FOXK1: variants seen among roughly 807,000 people sequenced by gnomAD.
FOXK1 encodes the protein forkhead box K1.
Under a neutral mutation model 51.9 loss-of-function variants are expected in FOXK1, and 19 were observed. The observed-to-expected ratio is 0.37, with a 90% CI of 0.26 to 0.54. The LOEUF (loss-of-function observed/expected upper bound fraction) is 0.54, where lower values mean the gene tolerates loss of function less well. Ranked by LOEUF, FOXK1 falls within the 20% of genes least tolerant of loss-of-function variation. The pLI, the probability that FOXK1 is intolerant of heterozygous loss-of-function variation, is 0.87. For missense variants in FOXK1, 870 were observed against 1,032.7 expected, an observed-to-expected ratio of 0.84 and a Z score of 2.16; for synonymous variants, 537 against 482.6, an observed-to-expected ratio of 1.11 and a Z score of -1.48.
chr7:4,710,633 T>C (rs1316728153), intron 1 of FOXK1, among the ~76,000 whole-genome samples: 1 of 152,092 alleles, frequency 6.6e-6, no homozygotes, highest in Non-Finnish European at 1.5e-5. Context: ...TTTGGAGAAA[T>C]GGGTGCAGCC....
chr7:4,706,023 C>CATATAT (rs1780094894), intron 1 of FOXK1, among the ~76,000 whole-genome samples: 3 of 92,958 alleles, frequency 3.2e-5, no homozygotes, highest in African/African-American at 3.0e-4. Context: ...CGTATATATA[C>CATATAT]GTGTATATAC....
chr7:4,761,771 C>T lies in FOXK1; in HGVS notation c.1922-413C>T, dbSNP rs999604700. On this transcript the variant is annotated intron_variant, in intron 8 of 8. Transcript: ENST00000328914. The surrounding 1 kb of genome is among the most constrained non-coding windows in gnomAD (Gnocchi z 6.2). ...ATCTGCCCACTCTCTGGAGCTCACA[C>T]TCCATGGGGTGAGGCAAGAGGTCAA... Among the ~76,000 whole-genome samples the T allele has an allele frequency of 6.6e-6, 1 of 152,132 alleles. No homozygotes were observed. The highest frequency in any genetic ancestry group is 6.5e-5 in the Admixed American group (1 of 15,270).
chr7:4,720,973 C>T (rs1412210839), intron 1 of FOXK1, among the ~76,000 whole-genome samples: 3 of 152,016 alleles, frequency 2.0e-5, no homozygotes, highest in Non-Finnish European at 2.9e-5. Context: ...GAACTCCTGA[C>T]CTTATGTGAT....
At chr7:4,720,779 C>T (rs1005106894) in intron 1 of FOXK1, among the ~76,000 whole-genome samples, 8 of 151,022 alleles carry the variant, frequency 5.3e-5, no homozygotes, top group Non-Finnish European at 7.4e-5. Flanking sequence ...GGTGCAGTGG[C>T]GCGATCTTGG....
rs1779758324 is a variant in FOXK1 at position 4,682,410 on chromosome 7, C to T, written c.102C>T (p.Phe34=). 5.1e-6 allele frequency: 5 copies of T among 981,222 alleles called. No homozygotes were observed. The highest frequency in any genetic ancestry group is 4.8e-6 in the Non-Finnish European group (4 of 828,614). The allele number at this position is 981,222 out of a possible 1,614,324, so 60.8% of individuals were successfully genotyped here. A position where few individuals can be genotyped will look rare whatever the true frequency, so the allele number is the denominator to read the frequency against. ...GCGCCGCAGCCGCCGCCGCCGCCTT[C>T]CCCGCGGCCGCACCCCCGCCGGCCC... ...VLCAAAAAAA[F]PAAAPPPAPA... The change falls in exon 1 of 9, where the codon TTC becomes TTT. Residue 34 remains phenylalanine, a synonymous_variant. Transcript: ENST00000328914. This position sits in a 1 kb window ranked among gnomAD's most constrained non-coding sequence, Gnocchi z 7.6.
Position 4,756,908 on chromosome 7 carries a change from G to C in FOXK1, c.1051-86G>C, listed in dbSNP as rs1780860461. 2.1e-6 allele frequency: 3 copies of C among 1,450,348 alleles called. No individual in the cohort carries two copies. The highest frequency in any genetic ancestry group is 2.8e-5 in the African/African-American group (2 of 71,830). The allele number at this position is 1,450,348 out of a possible 1,614,324, so 89.8% of individuals were successfully genotyped here. On this transcript the variant is annotated intron_variant, in intron 4 of 8. Coordinates refer to ENST00000328914, the MANE Select transcript of FOXK1 (RefSeq NM_001037165.2). The surrounding 1 kb of genome is among the most constrained non-coding windows in gnomAD (Gnocchi z 4.1). ...CAGAGGGACGGCCTCCCCTCACCCTGGTCCCGCATCTGCTGCAGATTTGAG... is the reference window on the plus strand; with the variant it reads ...CAGAGGGACGGCCTCCCCTCACCCTCGTCCCGCATCTGCTGCAGATTTGAG...
chr7:4,733,832 A>C lies in FOXK1; in HGVS notation c.561-7006A>C, dbSNP rs1378463249. On this transcript the variant is annotated intron_variant, in intron 1 of 8. Transcript: ENST00000328914. The surrounding 1 kb of genome is among the most constrained non-coding windows in gnomAD (Gnocchi z 5.0). ...GCTGCAGGCTGGGTGGGACGGTGGGAGCCTTTCCCTGGTCTTTAGTCCGGC... is the reference window on the plus strand; with the variant it reads ...GCTGCAGGCTGGGTGGGACGGTGGGCGCCTTTCCCTGGTCTTTAGTCCGGC... 6.6e-6 allele frequency among the ~76,000 whole-genome samples: 1 copy of C among 150,666 alleles called. No individual in the cohort carries two copies. Among genetic ancestry groups the C allele is most frequent in the Non-Finnish European group, 1.5e-5 (1 of 67,638 alleles).
At chr7:4,727,990 C>G (rs1780402252) in intron 1 of FOXK1, among the ~76,000 whole-genome samples, 1 of 152,120 alleles carries the variant, frequency 6.6e-6, no homozygotes, top group Non-Finnish European at 1.5e-5. Flanking sequence ...TAGACAGATA[C>G]CAATCACTGC....
chr7:4,746,383 A>G (rs1583206918), intron 2 of FOXK1, among the ~76,000 whole-genome samples: 1 of 152,246 alleles, frequency 6.6e-6, no homozygotes, highest in South Asian at 2.1e-4. Context: ...AGCTTCCTGC[A>G]GGGTGATTCA....
chr7:4,762,514 G>C lies in FOXK1; in HGVS notation c.*50G>C. 1 of 1,498,116 alleles carries C rather than the reference G, an allele frequency of 6.7e-7. No individual in the cohort carries two copies. Among genetic ancestry groups the C allele is most frequent in the Non-Finnish European group, 8.9e-7 (1 of 1,117,462 alleles). 92.8% of individuals were successfully genotyped at this position (1,498,116 alleles called of 1,614,324 possible). On this transcript the variant is annotated 3_prime_UTR_variant, in exon 9 of 9. Coordinates refer to ENST00000328914, the MANE Select transcript of FOXK1 (RefSeq NM_001037165.2). The surrounding 1 kb of genome is among the most constrained non-coding windows in gnomAD (Gnocchi z 5.7). ...GGACTCACCCAGCGGCGACCCCGAA[G>C]CTGGACCCGGCAGCTCAGGCGGCCG...
In FOXK1 at chr7:4,734,036, A is replaced by G. The variant is rs1449505993; in HGVS notation, c.561-6802A>G. ...AGCTTCACCTGGCGCAGGGAAGGCC[A>G]TCAGACTTCCAGCTCGTCACCCATG... On this transcript the variant is annotated intron_variant, in intron 1 of 8. Transcript: ENST00000328914. This position sits in a 1 kb window ranked among gnomAD's most constrained non-coding sequence, Gnocchi z 5.2. Among the ~76,000 whole-genome samples the G allele has an allele frequency of 6.6e-6, 1 of 151,802 alleles. No homozygotes were observed. Among genetic ancestry groups the G allele is most frequent in the Non-Finnish European group, 1.5e-5 (1 of 68,042 alleles).
rs371407158 is a variant in FOXK1 at position 4,762,435 on chromosome 7, G to A, written c.2173G>A (p.Gly725Ser). ...ACCGGCTGGAGTGATCGCAGCTGCCGGCCCCCAGGGGCCAGGCACCGGGGA... is the reference window on the plus strand; with the variant it reads ...ACCGGCTGGAGTGATCGCAGCTGCCAGCCCCCAGGGGCCAGGCACCGGGGA... ...TTPAGVIAAA[G>S]PQGPGTGE Residue 725 changes from glycine (G) to serine (S), a missense_variant, in exon 9 of 9, where the codon GGC becomes AGC. By Grantham distance (56) the Gly-to-Ser change is moderately conservative (BLOSUM62 0). Around this residue, in one of 3 missense-constraint regions of FOXK1, gnomAD observed 457 missense variants for 510.8 expected, o/e 0.89. Coordinates refer to ENST00000328914, the MANE Select transcript of FOXK1 (RefSeq NM_001037165.2). The surrounding 1 kb of genome is among the most constrained non-coding windows in gnomAD (Gnocchi z 5.7). 18 of 1,546,330 alleles carry A rather than the reference G, an allele frequency of 1.2e-5. No homozygotes were observed. The highest frequency in any genetic ancestry group is 1.4e-5 in the African/African-American group (1 of 73,042).
chr7:4,759,255 G>GCGGGA (rs1780897570), intron 6 of FOXK1, 38 bp downstream of exon 6: 9 of 1,608,250 alleles, frequency 5.6e-6, no homozygotes, highest in Middle Eastern at 3.3e-4. Flanking sequence ...GCGGGGCGGG[G>GCGGGA]CGGGACTCGT....
rs182053973 is a variant in FOXK1, at chr7:4,733,997, C to T, written c.561-6841C>T. 6.8e-5 allele frequency among the ~76,000 whole-genome samples: 10 copies of T among 147,092 alleles called. No individual in the cohort carries two copies. Among genetic ancestry groups the T allele is most frequent in the African/African-American group, 2.5e-4 (9 of 36,606 alleles). ...CTGGCCACGTGGAGTCTGCCCTCCA[C>T]GTGCCGTGGGTGAAGCTTCACCTGG... On this transcript the variant is annotated intron_variant, in intron 1 of 8. Coordinates refer to ENST00000328914, the MANE Select transcript of FOXK1 (RefSeq NM_001037165.2). The surrounding 1 kb of genome is among the most constrained non-coding windows in gnomAD (Gnocchi z 5.0).
Position 4,761,425 on chromosome 7 carries a change from G to T in FOXK1, c.1921+137G>T. On this transcript the variant is annotated intron_variant, in intron 8 of 8. Transcript: ENST00000328914. This position sits in a 1 kb window ranked among gnomAD's most constrained non-coding sequence, Gnocchi z 6.2. The stretch of plus-strand genomic sequence containing the variant: ...TTTATTGAGCACCTGCTATACTCCA[G>T]GCACTGGGGTAATGCAAAGAAAAAG... 2 of 927,364 alleles carry T rather than the reference G, an allele frequency of 2.2e-6. No homozygotes were observed. The highest frequency in any genetic ancestry group is 5.3e-5 in the East Asian group (2 of 37,698). The allele number at this position is 927,364 out of a possible 1,614,324, so 57.4% of individuals were successfully genotyped here.
chr7:4,754,414 C>G (rs1447333424), intron 2 of FOXK1, 45 bp from the exon 3 acceptor site: 1 of 1,595,488 alleles, frequency 6.3e-7, no homozygotes, highest in Admixed American at 1.7e-5. Context: ...CACAGGGGCC[C>G]CCTCTTCAGA....
Position 4,761,912 on chromosome 7 carries a change from G to C in FOXK1, c.1922-272G>C. The stretch of plus-strand genomic sequence containing the variant: ...CTCAGGGCAGTGCATCTGTGTAAAG[G>C]AGTGAGGCAAGCCGTCGATGTCCAG... On this transcript the variant is annotated intron_variant, in intron 8 of 8. Transcript: ENST00000328914. The surrounding 1 kb of genome is among the most constrained non-coding windows in gnomAD (Gnocchi z 6.2). 6.6e-6 allele frequency among the ~76,000 whole-genome samples: 1 copy of C among 152,050 alleles called. No individual in the cohort carries two copies. The highest frequency in any genetic ancestry group is 1.9e-4 in the East Asian group (1 of 5,150).
intron 1 of FOXK1, among the ~76,000 whole-genome samples, chr7:4,704,091 T>TGG (rs1260601840): frequency 6.6e-6 from 1 of 152,114 alleles, no homozygotes; most frequent in Admixed American, 6.5e-5. Context: ...ACCGAAAGGG[T>TGG]CTACCAAGGG....
rs541822724 is a variant in FOXK1 at position 4,742,301 on chromosome 7, A to G, written c.746+1278A>G. ...ATCTGTTGGAGCGAGCGCTGTGGCA[A>G]TCCCAGGCTGGTCACGTCAGTCCCT... On this transcript the variant is annotated intron_variant, in intron 2 of 8. Coordinates refer to ENST00000328914, the MANE Select transcript of FOXK1 (RefSeq NM_001037165.2). Among the ~76,000 whole-genome samples, 13 of 152,336 alleles carry G rather than the reference A, an allele frequency of 8.5e-5. No homozygotes were observed. The East Asian group carries it at 2.3e-3, about 27-fold the overall frequency.
Sources: allele counts gnomAD v4.1 joint callset (sites outside exome capture counted in the v4.1 genomes callset), GRCh38; gene constraint gnomAD v4.1.1; regional missense constraint gnomAD v4.1.1; non-coding constraint Gnocchi (gnomAD v3.1); transcripts MANE v1.5; gene names NCBI Gene and HGNC (gene_info 2026-07-23, HGNC 2026-07-21).